The following ATXN10 variants were observed in gnomAD, a reference collection of about 807,000 sequenced individuals.
The protein encoded by ATXN10 is ataxin-10.
Under a neutral mutation model 52.9 loss-of-function variants are expected in ATXN10, and 28 were observed. That is an observed-to-expected ratio of 0.53 (90% CI 0.39 to 0.73). The LOEUF is 0.73. Ranked by LOEUF, ATXN10 falls within the 30% of genes least tolerant of loss-of-function variation. ATXN10 has a pLI of 0.00. For synonymous variants in ATXN10, 226 were observed against 221.5 expected (o/e 1.02, Z -0.18); for missense variants, 565 against 577.0 (o/e 0.98, Z 0.21).
chr22:45,770,290 C>T lies in ATXN10; in HGVS notation c.1173+29752C>T, dbSNP rs536048521. Among the ~76,000 whole-genome samples, 4 of 152,216 alleles carry T rather than the reference C, an allele frequency of 2.6e-5. No individual in the cohort carries two copies. Among genetic ancestry groups the T allele is most frequent in the South Asian group, 2.1e-4 (1 of 4,820 alleles). ...TGGGTTGCATCCCAATAACGAGATA[C>T]GAAATGAATTCTTTGGTCATAGTGA... On this transcript the variant is annotated intron_variant, in intron 9 of 11. Transcript: ENST00000252934. This position sits in a 1 kb window ranked among gnomAD's most constrained non-coding sequence, Gnocchi z 4.5.
rs1927441043 is a variant in ATXN10, at chr22:45,789,667, C to A, written c.1174-17292C>A. Among the ~76,000 whole-genome samples the A allele has an allele frequency of 6.6e-6, 1 of 152,170 alleles. No individual in the cohort carries two copies. The highest frequency in any genetic ancestry group is 1.5e-5 in the Non-Finnish European group (1 of 68,028). The stretch of plus-strand genomic sequence containing the variant: ...GAGAGCCTTCTAACCCATCCAGCCC[C>A]TTTGTGGTGGTGGTGGTGGTGCACT... On this transcript the variant is annotated intron_variant, in intron 9 of 11. Transcript: ENST00000252934. The surrounding 1 kb of genome is among the most constrained non-coding windows in gnomAD (Gnocchi z 4.0).
intron 6 of ATXN10, among the ~76,000 whole-genome samples, chr22:45,723,951 CAA>C (rs745576988): frequency 8.8e-5 from 11 of 124,616 alleles, no homozygotes; most frequent in Non-Finnish European, 1.0e-4. Context: ...GACCCTGTCT[CAA>C]AAAAAAAAAA....
chr22:45,834,454 G>A (rs17653930), intron 10 of ATXN10, among the ~76,000 whole-genome samples: 6,242 of 152,238 alleles, frequency 0.041, 160 homozygotes, highest in Admixed American at 0.06. Context: ...GCAGTGTCCC[G>A]GGTTGTGTGT....
chr22:45,788,380 T>C (rs1927390627), intron 9 of ATXN10, among the ~76,000 whole-genome samples: 1 of 151,622 alleles, frequency 6.6e-6, no homozygotes, highest in Non-Finnish European at 1.5e-5. Context: ...ACTCTTAGAA[T>C]CTTCCAGTTG....
In ATXN10 at chr22:45,672,091, A is replaced by T. The variant is rs1202226472; in HGVS notation, c.28A>T (p.Arg10Trp). Reference sequence around the variant, plus strand: ...GGCGGCGCCCAGGCCGCCGCCTGCCAGGCTGTCGGGCGTCATGGTGCCGGC... The same window carrying T: ...GGCGGCGCCCAGGCCGCCGCCTGCCTGGCTGTCGGGCGTCATGGTGCCGGC... MAAPRPPPA[R>W]LSGVMVPAPI... The change falls in exon 1 of 12, where the codon AGG (arginine) becomes TGG (tryptophan). Residue 10 changes from arginine to tryptophan, a missense_variant. Coordinates refer to ENST00000252934, the MANE Select transcript of ATXN10 (RefSeq NM_013236.4). The T allele has an allele frequency of 1.3e-6, 2 of 1,538,430 alleles. No individual in the cohort carries two copies. The highest frequency in any genetic ancestry group is 1.7e-6 in the Non-Finnish European group (2 of 1,145,242).
At position 45,781,583 on chromosome 22, in the gene ATXN10, C is replaced by T. The variant is rs1165694913; in HGVS notation, c.1174-25376C>T. ...GTACAATTTAAAATCATGGGTTACACTAAGGACCAGGAAAATCTTAGCTTA... is the reference window on the plus strand; with the variant it reads ...GTACAATTTAAAATCATGGGTTACATTAAGGACCAGGAAAATCTTAGCTTA... On this transcript the variant is annotated intron_variant, in intron 9 of 11. Transcript: ENST00000252934. The surrounding 1 kb of genome is among the most constrained non-coding windows in gnomAD (Gnocchi z 4.2). Among the ~76,000 whole-genome samples, 1 of 152,180 alleles carries T rather than the reference C, an allele frequency of 6.6e-6. No homozygotes were observed. The highest frequency in any genetic ancestry group is 1.5e-5 in the Non-Finnish European group (1 of 68,034).
chr22:45,794,729 A>G (rs1323504416), intron 9 of ATXN10, among the ~76,000 whole-genome samples: 1 of 152,234 alleles, frequency 6.6e-6, no homozygotes, highest in Non-Finnish European at 1.5e-5. Context: ...CAGCCAAAAT[A>G]TCCTTCAAAA....
At chr22:45,721,165 T>C (rs1371711652) in intron 6 of ATXN10, among the ~76,000 whole-genome samples, 1 of 152,214 alleles carries the variant, frequency 6.6e-6, no homozygotes, top group Non-Finnish European at 1.5e-5. Flanking sequence ...AGACTCATCA[T>C]CAATTCACGT....
chr22:45,747,693 G>C (rs536290628), intron 9 of ATXN10, among the ~76,000 whole-genome samples: 10 of 152,270 alleles, frequency 6.6e-5, no homozygotes, highest in African/African-American at 2.4e-4. Flanking sequence ...TCTATTAACT[G>C]TTTAAATTTG....
chr22:45,692,136 C>T (rs899115654), intron 2 of ATXN10, among the ~76,000 whole-genome samples: 2 of 152,194 alleles, frequency 1.3e-5, no homozygotes, highest in Non-Finnish European at 2.9e-5. Flanking sequence ...TCTGCCTCTG[C>T]CTCAGGAATG....
chr22:45,815,350 G>T (rs887774795), intron 10 of ATXN10, among the ~76,000 whole-genome samples: 4 of 152,170 alleles, frequency 2.6e-5, no homozygotes, highest in African/African-American at 9.7e-5. Flanking sequence ...GGATTGGCAG[G>T]GGAGGAGGAT....
Position 45,816,669 on chromosome 22 carries a change from A to C in ATXN10, c.1237+9647A>C, listed in dbSNP as rs541157473. On this transcript the variant is annotated intron_variant, in intron 10 of 11. Coordinates refer to ENST00000252934, the MANE Select transcript of ATXN10 (RefSeq NM_013236.4). This position sits in a 1 kb window ranked among gnomAD's most constrained non-coding sequence, Gnocchi z 5.8. ...ATGTGCTCCAAAGCATATTTTGTCTATAGTATCTTAATAGGTAATATACGG... is the reference window on the plus strand; with the variant it reads ...ATGTGCTCCAAAGCATATTTTGTCTCTAGTATCTTAATAGGTAATATACGG... 6.6e-6 allele frequency among the ~76,000 whole-genome samples: 1 copy of C among 152,226 alleles called. No individual in the cohort carries two copies. The highest frequency in any genetic ancestry group is 2.4e-5 in the African/African-American group (1 of 41,460).
intron 9 of ATXN10, among the ~76,000 whole-genome samples, chr22:45,746,055 T>C (rs541731142): frequency 1.3e-5 from 2 of 152,124 alleles, no homozygotes; most frequent in South Asian, 4.1e-4. Context: ...CCAAATCATA[T>C]ATATTTTAGA....
At chr22:45,679,731 A>G (rs2146725530) in intron 1 of ATXN10, 1 of 152,314 alleles carries the variant, frequency 6.6e-6, no homozygotes. Flanking sequence ...TATAAAAAGC[A>G]TATTTTAGAG....
In ATXN10 at chr22:45,690,279, GAA is replaced by G. The variant is rs781133315; in HGVS notation, c.308+392_308+393del. On this transcript the variant is annotated intron_variant, in intron 2 of 11. Coordinates refer to ENST00000252934, the MANE Select transcript of ATXN10 (RefSeq NM_013236.4). This position sits in a 1 kb window ranked among gnomAD's most constrained non-coding sequence, Gnocchi z 4.5. Reference sequence around the variant, plus strand: ...CCACATTGTGAGACCCTGTCTCAGGGAAAAAAAAAAAAAAAAAGTTGTTCTGG... The same window carrying G: ...CCACATTGTGAGACCCTGTCTCAGGGAAAAAAAAAAAAAAAGTTGTTCTGG... 1.5e-4 allele frequency among the ~76,000 whole-genome samples: 19 copies of G among 130,072 alleles called. No homozygotes were observed. Among genetic ancestry groups the G allele is most frequent in the African/African-American group, 1.7e-4 (6 of 35,288 alleles). The allele number at this position is 130,072 out of a possible 152,430, so 85.3% of individuals were successfully genotyped here. A position where few individuals can be genotyped will look rare whatever the true frequency, so the allele number is the denominator to read the frequency against.
At chr22:45,707,042 C>T (rs907627906) in intron 5 of ATXN10, among the ~76,000 whole-genome samples, 3 of 150,824 alleles carry the variant, frequency 2.0e-5, no homozygotes, top group Non-Finnish European at 4.4e-5. Context: ...AGTACACACA[C>T]ACATGTTTAT....
At chr22:45,740,041 T>G (rs1925449382) in intron 8 of ATXN10, among the ~76,000 whole-genome samples, 1 of 152,214 alleles carries the variant, frequency 6.6e-6, no homozygotes, top group South Asian at 2.1e-4. Flanking sequence ...ATAAAGAAGT[T>G]GAGATTGGAA....
Position 45,775,355 on chromosome 22 carries a change from G to A in ATXN10, c.1174-31604G>A, listed in dbSNP as rs902014579. Among the ~76,000 whole-genome samples, 2 of 152,232 alleles carry A rather than the reference G, an allele frequency of 1.3e-5. No individual in the cohort carries two copies. The highest frequency in any genetic ancestry group is 4.8e-5 in the African/African-American group (2 of 41,458). On this transcript the variant is annotated intron_variant, in intron 9 of 11. Coordinates refer to ENST00000252934, the MANE Select transcript of ATXN10 (RefSeq NM_013236.4). This position sits in a 1 kb window ranked among gnomAD's most constrained non-coding sequence, Gnocchi z 4.7. ...TGCACCCTCTCTTAAGTGGCTTCAT[G>A]GAGATTTTGTAAGAAATTGAGACAA...
rs531250210 is a variant in ATXN10 at position 45,728,599 on chromosome 22, C to T, written c.729-826C>T. On this transcript the variant is annotated intron_variant, in intron 6 of 11. Transcript: ENST00000252934. The surrounding 1 kb of genome is among the most constrained non-coding windows in gnomAD (Gnocchi z 4.3). ...TTTGCTAATAAGCAGTTTAGATGTT[C>T]GTACCCTGTCTTCTATAGAAATTAG... Among the ~76,000 whole-genome samples, 2 of 152,086 alleles carry T rather than the reference C, an allele frequency of 1.3e-5. No individual in the cohort carries two copies. The highest frequency in any genetic ancestry group is 2.4e-5 in the African/African-American group (1 of 41,414).
Sources: allele counts gnomAD v4.1 joint callset (sites outside exome capture counted in the v4.1 genomes callset), GRCh38; gene constraint gnomAD v4.1.1; non-coding constraint Gnocchi (gnomAD v3.1); transcripts MANE v1.5; gene names NCBI Gene and HGNC (gene_info 2026-07-23, HGNC 2026-07-21).